Variants in BICD1 observed in about 807,000 individuals in gnomAD.
BICD1 encodes protein bicaudal D homolog 1.
Under a neutral mutation model 92.5 loss-of-function variants are expected in BICD1, and 35 were observed. That is an observed-to-expected ratio of 0.38 (90% CI 0.29 to 0.50). The LOEUF is 0.50. Among genes scored for constraint, BICD1 ranks in the 20% least tolerant of loss-of-function variants. The pLI is 0.93. For synonymous variants in BICD1, 429 were observed against 465.1 expected (o/e 0.92, Z 1.00); for missense variants, 950 against 1,189.8 (o/e 0.80, Z 2.97).
At chr12:32,159,385 A>T (rs909506559) in intron 1 of BICD1, among the ~76,000 whole-genome samples, 2 of 152,166 alleles carry the variant, frequency 1.3e-5, no homozygotes, top group Non-Finnish European at 2.9e-5. Flanking sequence ...GCCATGAGGG[A>T]TGGAAGAGAG....
chr12:32,173,859 A>T (rs1458597191), intron 1 of BICD1, among the ~76,000 whole-genome samples: 1 of 152,230 alleles, frequency 6.6e-6, no homozygotes, highest in Non-Finnish European at 1.5e-5. Flanking sequence ...AATGAATGTG[A>T]ACACTTTAGG....
At chr12:32,125,819 A>G (rs1942306208) in intron 1 of BICD1, among the ~76,000 whole-genome samples, 1 of 151,756 alleles carries the variant, frequency 6.6e-6, no homozygotes, top group Non-Finnish European at 1.5e-5. Flanking sequence ...AGGCAGGTGG[A>G]TCACTTGAGC....
At chr12:32,125,769 G>T (rs781180936) in intron 1 of BICD1, among the ~76,000 whole-genome samples, 2 of 152,010 alleles carry the variant, frequency 1.3e-5, no homozygotes, top group African/African-American at 2.4e-5. Context: ...TTGGCTAGGC[G>T]CAGTGGCTCA....
chr12:32,277,663 A>G (rs1947312192), intron 2 of BICD1, among the ~76,000 whole-genome samples: 1 of 152,220 alleles, frequency 6.6e-6, no homozygotes, highest in Admixed American at 6.5e-5. Flanking sequence ...ACACATACCC[A>G]AAGAATAAAC....
rs981935794 is a variant in BICD1 at position 32,165,470 on chromosome 12, C to G, written c.214-50777C>G. Reference sequence around the variant, plus strand: ...GGCGGAGCTTGCAGTGAGCCGAGATCGAGCCACTGCACTCCAGCCTGGGCG... The same window carrying G: ...GGCGGAGCTTGCAGTGAGCCGAGATGGAGCCACTGCACTCCAGCCTGGGCG... On this transcript the variant is annotated intron_variant, in intron 1 of 9. Transcript: ENST00000652176. 4.0e-5 allele frequency among the ~76,000 whole-genome samples: 6 copies of G among 151,556 alleles called. No homozygotes were observed. The East Asian group carries it at 1.2e-3, about 29-fold the overall frequency.
chr12:32,127,463 G>A (rs992286332), intron 1 of BICD1, among the ~76,000 whole-genome samples: 2 of 152,044 alleles, frequency 1.3e-5, no homozygotes, highest in Non-Finnish European at 2.9e-5. Context: ...TGTGTGTTTT[G>A]TGATAAATCA....
chr12:32,272,439 C>T (rs982016531), intron 2 of BICD1, among the ~76,000 whole-genome samples: 2 of 152,282 alleles, frequency 1.3e-5, no homozygotes. Context: ...AGATCTGAGT[C>T]CTGAAGACCT....
At position 32,378,378 on chromosome 12, in the gene BICD1, G is replaced by A. The variant is rs1174239741; in HGVS notation, c.*751G>A. 1 of 152,240 alleles carries A rather than the reference G, an allele frequency of 6.6e-6. No homozygotes were observed. Among genetic ancestry groups the A allele is most frequent in the African/African-American group, 2.4e-5 (1 of 41,470 alleles). 9.4% of individuals were successfully genotyped at this position (152,240 alleles called of 1,614,324 possible). A position where few individuals can be genotyped will look rare whatever the true frequency, so the allele number is the denominator to read the frequency against. On this transcript the variant is annotated 3_prime_UTR_variant, in exon 10 of 10. Coordinates refer to ENST00000652176, the MANE Select transcript of BICD1 (RefSeq NM_001714.4). ...GACATTACTAAGTAAATCTAAGAAAGAGACTAAGTTATGATTTATTGACTT... is the reference window on the plus strand; with the variant it reads ...GACATTACTAAGTAAATCTAAGAAAAAGACTAAGTTATGATTTATTGACTT...
chr12:32,365,633 C>T (rs1939501338), intron 8 of BICD1, among the ~76,000 whole-genome samples: 1 of 152,092 alleles, frequency 6.6e-6, no homozygotes, highest in African/African-American at 2.4e-5. Context: ...TTGCATTTAC[C>T]CAAATACACC....
intron 1 of BICD1, among the ~76,000 whole-genome samples, chr12:32,180,203 A>G (rs976049731): frequency 1.3e-5 from 2 of 151,822 alleles, no homozygotes; most frequent in African/African-American, 4.8e-5. Flanking sequence ...GGGTTCAATA[A>G]TCAGCTCTGC....
chr12:32,373,235 T>C (rs1015175801), intron 9 of BICD1, among the ~76,000 whole-genome samples: 1 of 152,156 alleles, frequency 6.6e-6, no homozygotes, highest in Non-Finnish European at 1.5e-5. Context: ...TATTTAGCAA[T>C]CACAACTGAA....
At chr12:32,155,862 C>A (rs1011514005) in intron 1 of BICD1, among the ~76,000 whole-genome samples, 2 of 152,172 alleles carry the variant, frequency 1.3e-5, no homozygotes, top group Non-Finnish European at 2.9e-5. Flanking sequence ...CCTAAAAGAG[C>A]CATTTAAATT....
intron 2 of BICD1, among the ~76,000 whole-genome samples, chr12:32,226,565 A>T (rs761792120): frequency 2.0e-5 from 3 of 152,208 alleles, no homozygotes; most frequent in Non-Finnish European, 2.9e-5. Flanking sequence ...TCCAGGGAGC[A>T]TATCACCAAC....
intron 8 of BICD1, chr12:32,340,719 T>C (rs1294976720): frequency 4.9e-6 from 1 of 205,984 alleles, no homozygotes; most frequent in Non-Finnish European, 8.5e-6. Context: ...CTTTTCCATG[T>C]TGCTATCTAG....
chr12:32,362,843 C>A (rs901220886), intron 8 of BICD1, among the ~76,000 whole-genome samples: 1 of 151,978 alleles, frequency 6.6e-6, no homozygotes, highest in Non-Finnish European at 1.5e-5. Flanking sequence ...TTGTTTCTAG[C>A]AGGAGAGATT....
At chr12:32,135,331 G>A (rs996476403) in intron 1 of BICD1, among the ~76,000 whole-genome samples, 3 of 146,082 alleles carry the variant, frequency 2.1e-5, no homozygotes, top group Non-Finnish European at 3.0e-5. Context: ...CAGGTGATCC[G>A]CCTGCCTCGG....
At position 32,131,023 on chromosome 12, in the gene BICD1, C is replaced by T. The variant is rs1009509757; in HGVS notation, c.213+23479C>T. Among the ~76,000 whole-genome samples the T allele has an allele frequency of 3.9e-5, 6 of 152,016 alleles. No homozygotes were observed. The South Asian group carries it at 8.3e-4, about 21-fold the overall frequency. The stretch of plus-strand genomic sequence containing the variant: ...CTAATTTTTGTATTTTTAGTAGAGA[C>T]GGGGTTTCGTCATGTTGGCCAGGCT... On this transcript the variant is annotated intron_variant, in intron 1 of 9. Coordinates refer to ENST00000652176, the MANE Select transcript of BICD1 (RefSeq NM_001714.4).
At position 32,107,433 on chromosome 12, in the gene BICD1, T is replaced by A; in HGVS notation, c.102T>A (p.Ala34=). Residue 34 remains alanine, a synonymous_variant, in exon 1 of 10, where the codon GCT becomes GCA. Coordinates refer to ENST00000652176, the MANE Select transcript of BICD1 (RefSeq NM_001714.4). ...AGACCACCCACGAGAAGATCCAGGC[T>A]GCCGAGTACGGGCTGGTGGTGCTGG... The part of the protein sequence containing the change: ...LTETTHEKIQ[A]AEYGLVVLEE... 6.2e-7 allele frequency: 1 copy of A among 1,612,084 alleles called. No homozygotes were observed. The highest frequency in any genetic ancestry group is 8.5e-7 in the Non-Finnish European group (1 of 1,179,304).
chr12:32,174,848 T>C lies in BICD1; in HGVS notation c.214-41399T>C, dbSNP rs1322398844. Among the ~76,000 whole-genome samples, 3 of 152,234 alleles carry C rather than the reference T, an allele frequency of 2.0e-5. No homozygotes were observed. In the East Asian group the frequency reaches 5.8e-4, roughly 29 times the overall value. ...TTCAGATCTGAAACCTCATTGGCAGTCTAATTGGAGTGAATCTTCTGATTC... is the reference window on the plus strand; with the variant it reads ...TTCAGATCTGAAACCTCATTGGCAGCCTAATTGGAGTGAATCTTCTGATTC... On this transcript the variant is annotated intron_variant, in intron 1 of 9. Coordinates refer to ENST00000652176, the MANE Select transcript of BICD1 (RefSeq NM_001714.4).
Sources: allele counts gnomAD v4.1 joint callset (sites outside exome capture counted in the v4.1 genomes callset), GRCh38; gene constraint gnomAD v4.1.1; transcripts MANE v1.5; gene names NCBI Gene and HGNC (gene_info 2026-07-23, HGNC 2026-07-21).